The following PER2 variants were observed in gnomAD, a reference collection of about 807,000 sequenced individuals.
PER2 encodes the protein period circadian regulator 2.
PER2 carries 66 observed loss-of-function variants against 121.0 expected under a neutral mutation model. The observed-to-expected ratio is 0.55, with a 90% CI of 0.45 to 0.67. The LOEUF (loss-of-function observed/expected upper bound fraction) is 0.67, where lower values mean the gene tolerates loss of function less well. Ranked by LOEUF, PER2 falls within the 30% of genes least tolerant of loss-of-function variation. The pLI, the probability that PER2 is intolerant of heterozygous loss-of-function variation, is 0.00. For missense variants in PER2, 1,521 were observed against 1,635.0 expected, an observed-to-expected ratio of 0.93 and a Z score of 1.20; for synonymous variants, 684 against 659.9, an observed-to-expected ratio of 1.04 and a Z score of -0.56.
rs367823702 is a variant in PER2 at position 238,256,369 on chromosome 2, G to A, written c.2066-458C>T. On this transcript the variant is annotated intron_variant, in intron 17 of 22. Transcript: ENST00000254657. ...TCCTGAAAGGGAGGGCTTGGGGACT[G>A]GATCTTGGACATACACTTTTTCCTT... 9.8e-5 allele frequency among the ~76,000 whole-genome samples: 15 copies of A among 152,306 alleles called. 1 individual carries two copies. Among genetic ancestry groups the A allele is most frequent in the African/African-American group, 3.1e-4 (13 of 41,586 alleles).
At chr2:238,285,405 C>T (rs1403718734) in intron 1 of PER2, among the ~76,000 whole-genome samples, 2 of 152,254 alleles carry the variant, frequency 1.3e-5, no homozygotes, top group African/African-American at 2.4e-5. Flanking sequence ...CGCATGGGTT[C>T]GTTACCCTAT....
At chr2:238,288,916 C>A (rs1239865404), upstream of PER2, among the ~76,000 whole-genome samples, 1 of 152,194 alleles carries the variant, frequency 6.6e-6, no homozygotes, top group Non-Finnish European at 1.5e-5. Flanking sequence ...TTGGTGGCCG[C>A]GCCCGTCGCT....
Position 238,253,765 on chromosome 2 carries a change from C to T in PER2, c.2321-63G>A, listed in dbSNP as rs1314616443. The T allele has an allele frequency of 6.3e-6, 8 of 1,277,792 alleles. No individual in the cohort carries two copies. In the East Asian group the frequency reaches 1.0e-4, roughly 16 times the overall value. The allele number at this position is 1,277,792 out of a possible 1,614,324, so 79.2% of individuals were successfully genotyped here. ...AACTCCAAATTTGAAGACACCTCTT[C>T]GTTCAACAGTCCTGGGTTTCCAAAT... is the stretch of plus-strand genomic sequence containing the variant. On this transcript the variant is annotated intron_variant, in intron 18 of 22. Coordinates refer to ENST00000254657, the MANE Select transcript of PER2 (RefSeq NM_022817.3). The surrounding 1 kb of genome is among the most constrained non-coding windows in gnomAD (Gnocchi z 5.6).
Position 238,262,316 on chromosome 2 carries a change from G to A in PER2, c.1182C>T (p.Asp394=), listed in dbSNP as rs1485595245. ...KILQSGGQPF[D]YSPIRFRARN... ...GGGCGCGAAACCGAATGGGAGAATA[G>A]TCGAAAGGCTGCCCGCCTGACTGCA... The change falls in exon 11 of 23, where the codon GAC becomes GAT. Residue 394 remains aspartate (D), a synonymous_variant. Transcript: ENST00000254657. 1 of 1,613,946 alleles carries A rather than the reference G, an allele frequency of 6.2e-7. No individual in the cohort carries two copies. Among genetic ancestry groups the A allele is most frequent in the African/African-American group, 1.3e-5 (1 of 74,900 alleles).
chr2:238,275,708 T>C (rs1438252412), intron 4 of PER2, 35 bp downstream of exon 4: 15 of 1,599,258 alleles, frequency 9.4e-6, no homozygotes, highest in Non-Finnish European at 1.2e-5. Context: ...AACATATTTC[T>C]ATAGGTTTGG....
intron 6 of PER2, among the ~76,000 whole-genome samples, chr2:238,269,893 T>A (rs1244744860): frequency 6.6e-6 from 1 of 152,274 alleles, no homozygotes; most frequent in Non-Finnish European, 1.5e-5. Context: ...ATCTACCTAC[T>A]GTCCCTGAGT....
intron 6 of PER2, among the ~76,000 whole-genome samples, chr2:238,269,985 G>C (rs1387256068): frequency 6.6e-6 from 1 of 152,238 alleles, no homozygotes; most frequent in Non-Finnish European, 1.5e-5. Context: ...CAGTCCCACA[G>C]AAGCCCTGGG....
upstream of PER2, among the ~76,000 whole-genome samples, chr2:238,290,930 C>T (rs910585760): frequency 2.6e-5 from 4 of 152,210 alleles, no homozygotes; most frequent in Non-Finnish European, 5.9e-5. Flanking sequence ...TACAATCAGG[C>T]CAAGTGCATG....
chr2:238,276,451 C>T (rs959547349), intron 3 of PER2, among the ~76,000 whole-genome samples: 12 of 152,336 alleles, frequency 7.9e-5, no homozygotes, highest in African/African-American at 2.4e-4. Flanking sequence ...GGATACTGGT[C>T]GACCCATAGT....
At position 238,286,214 on chromosome 2, in the gene PER2, G is replaced by A. The variant is rs577121619; in HGVS notation, c.-20+2135C>T. Reference sequence around the variant, plus strand: ...CTACTCCGAATTGCAGGAAGCTCAGGCATCTGCTCCTCCTGTACCTGGTTT... The same window carrying A: ...CTACTCCGAATTGCAGGAAGCTCAGACATCTGCTCCTCCTGTACCTGGTTT... On this transcript the variant is annotated intron_variant, in intron 1 of 22. Coordinates refer to ENST00000254657, the MANE Select transcript of PER2 (RefSeq NM_022817.3). 2.0e-4 allele frequency among the ~76,000 whole-genome samples: 31 copies of A among 152,278 alleles called. No individual in the cohort carries two copies. In the South Asian group the frequency reaches 6.2e-3, roughly 30 times the overall value.
chr2:238,285,899 C>T (rs551602657), intron 1 of PER2, among the ~76,000 whole-genome samples: 1 of 152,284 alleles, frequency 6.6e-6, no homozygotes, highest in African/African-American at 2.4e-5. Context: ...CTGGTAGGAG[C>T]CAACTCCCTG....
At chr2:238,248,110 G>A (rs1379431041) in intron 22 of PER2, among the ~76,000 whole-genome samples, 1 of 152,248 alleles carries the variant, frequency 6.6e-6, no homozygotes, top group Non-Finnish European at 1.5e-5. Flanking sequence ...CACTGAGCCC[G>A]AGGGTGGGCA....
At chr2:238,290,363 A>C (rs1043753287), upstream of PER2, among the ~76,000 whole-genome samples, 2 of 151,932 alleles carry the variant, frequency 1.3e-5, no homozygotes, top group African/African-American at 4.8e-5. Flanking sequence ...CACACACCCA[A>C]AGGCTCTTTT....
chr2:238,293,751 A>C (rs1309720700), upstream of PER2, among the ~76,000 whole-genome samples: 3 of 151,624 alleles, frequency 2.0e-5, no homozygotes, highest in Admixed American at 6.6e-5. Context: ...AAAAAAAAGA[A>C]AGAAAAAGAA....
intron 6 of PER2, among the ~76,000 whole-genome samples, chr2:238,270,611 G>A (rs1696254296): frequency 1.3e-5 from 2 of 152,254 alleles, no homozygotes; most frequent in South Asian, 4.1e-4. Flanking sequence ...AGGAGGCCCT[G>A]AGGAGAGTGG....
At chr2:238,263,591 G>T (rs1159065132) in intron 9 of PER2, among the ~76,000 whole-genome samples, 2 of 152,094 alleles carry the variant, frequency 1.3e-5, no homozygotes, top group Non-Finnish European at 2.9e-5. Context: ...CAGAGCTGTG[G>T]CTTTGCTCCA....
At chr2:238,272,682 C>T (rs970437247) in intron 5 of PER2, among the ~76,000 whole-genome samples, 21 of 152,242 alleles carry the variant, frequency 1.4e-4, no homozygotes, top group African/African-American at 4.6e-4. Flanking sequence ...AATGCACGGG[C>T]TTTGGAGTCT....
Position 238,253,451 on chromosome 2 carries a change from C to T in PER2, c.2572G>A (p.Val858Met), listed in dbSNP as rs79645972. The change falls in exon 19 of 23, where the codon GTG (valine) becomes ATG (methionine). Residue 858 changes from valine to methionine, a missense_variant. By Grantham distance (21) the Val-to-Met change is conservative. Transcript: ENST00000254657. The surrounding 1 kb of genome is among the most constrained non-coding windows in gnomAD (Gnocchi z 5.6). ...GCCACAGTCCCTGGCGCTGGAAACA[C>T]GGGCAGTGAATAAGCTGCTGGCACT... ...APVPAAYSLP[V>M]FPAPGTVAAP... 12 of 1,612,816 alleles carry T rather than the reference C, an allele frequency of 7.4e-6. No homozygotes were observed. Among genetic ancestry groups the T allele is most frequent in the Admixed American group, 6.7e-5 (4 of 59,978 alleles).
In PER2 at chr2:238,268,303, T is replaced by A; in HGVS notation, c.825-105A>T. On this transcript the variant is annotated intron_variant, in intron 7 of 22. Coordinates refer to ENST00000254657, the MANE Select transcript of PER2 (RefSeq NM_022817.3). This position sits in a 1 kb window ranked among gnomAD's most constrained non-coding sequence, Gnocchi z 4.0. ...CCCATGCCATGCTGCAGGTGATGTG[T>A]ACCTCTGCTCTGCCTGAGGAGCTGG... 1 of 1,187,826 alleles carries A rather than the reference T, an allele frequency of 8.4e-7. No homozygotes were observed. Among genetic ancestry groups the A allele is most frequent in the Non-Finnish European group, 1.2e-6 (1 of 820,100 alleles). 73.6% of individuals were successfully genotyped at this position (1,187,826 alleles called of 1,614,324 possible). A position where few individuals can be genotyped will look rare whatever the true frequency, so the allele number is the denominator to read the frequency against.
Sources: gnomAD v4.1 joint callset for allele counts (sites outside exome capture counted in the v4.1 genomes callset) on GRCh38, gnomAD v4.1.1 for gene constraint, Gnocchi (gnomAD v3.1) non-coding constraint, MANE v1.5 for transcripts, NCBI Gene and HGNC (gene_info 2026-07-23, HGNC 2026-07-21) for gene names.